SYN3: variants seen among roughly 807,000 people sequenced by gnomAD.
The protein encoded by SYN3 is synapsin-3.
SYN3 carries 35 observed loss-of-function variants against 65.8 expected under a neutral mutation model. That is an observed-to-expected ratio of 0.53 (90% CI 0.41 to 0.70). SYN3 has a LOEUF of 0.70. Ranked by LOEUF, SYN3 falls within the 30% of genes least tolerant of loss-of-function variation. SYN3 has a pLI of 0.00. For synonymous variants in SYN3, 270 were observed against 292.9 expected, an observed-to-expected ratio of 0.92 and a Z score of 0.80; for missense variants, 680 against 749.0, an observed-to-expected ratio of 0.91 and a Z score of 1.08.
chr22:32,866,393 T>TG, intron 5 of SYN3, among the ~76,000 whole-genome samples: 1 of 152,256 alleles, frequency 6.6e-6, no homozygotes, highest in Admixed American at 6.5e-5. Flanking sequence ...GAAAACGATG[T>TG]ATGTGTGTGT....
At chr22:32,716,845 T>C (rs1424397377) in intron 6 of SYN3, among the ~76,000 whole-genome samples, 23 of 152,088 alleles carry the variant, frequency 1.5e-4, no homozygotes, top group Admixed American at 1.5e-3. Context: ...TAAAGTGTGG[T>C]AACATACATA....
chr22:32,913,620 A>G (rs996996337), intron 4 of SYN3, among the ~76,000 whole-genome samples: 1 of 152,166 alleles, frequency 6.6e-6, no homozygotes, highest in African/African-American at 2.4e-5. Flanking sequence ...TGAGAGCTTC[A>G]GTTTCTTCAT....
intron 6 of SYN3, among the ~76,000 whole-genome samples, chr22:32,675,798 C>G (rs924731093): frequency 1.3e-5 from 2 of 152,142 alleles, no homozygotes; most frequent in Non-Finnish European, 1.5e-5. Context: ...CCTGAGCTAG[C>G]AAGTGGTGAG....
intron 6 of SYN3, among the ~76,000 whole-genome samples, chr22:32,640,330 C>A (rs2059878017): frequency 6.6e-6 from 1 of 152,166 alleles, no homozygotes; most frequent in African/African-American, 2.4e-5. Context: ...TACTCAGAAT[C>A]GACCAAAGTG....
intron 3 of SYN3, among the ~76,000 whole-genome samples, chr22:32,939,771 A>T (rs2050884337): frequency 6.6e-6 from 1 of 152,212 alleles, no homozygotes; most frequent in Admixed American, 6.5e-5. Flanking sequence ...TAGACACTTT[A>T]ACTATTTCTA....
chr22:32,513,655 GT>G lies in SYN3; in HGVS notation c.*36del. 6.2e-7 allele frequency: 1 copy of G among 1,610,066 alleles called. No homozygotes were observed. Among genetic ancestry groups the G allele is most frequent in the Admixed American group, 1.7e-5 (1 of 59,898 alleles). ...AAGATGAGGCAGGAGGGGGACGAGTGTAGCAGAGCACTCTTCCCCTCCCAGC... is the reference window on the plus strand; with the variant it reads ...AAGATGAGGCAGGAGGGGGACGAGTGAGCAGAGCACTCTTCCCCTCCCAGC... On this transcript the variant is annotated 3_prime_UTR_variant, in exon 14 of 14. Coordinates refer to ENST00000358763, the MANE Select transcript of SYN3 (RefSeq NM_003490.4).
chr22:32,780,340 C>G (rs130538), intron 6 of SYN3, among the ~76,000 whole-genome samples: 23,414 of 152,004 alleles, frequency 0.15, 2,310 homozygotes, highest in East Asian at 0.36. Context: ...GCTAAAATTA[C>G]AGGTGATCGG....
intron 7 of SYN3, among the ~76,000 whole-genome samples, chr22:32,574,352 G>A (rs776931822): frequency 5.3e-5 from 8 of 152,020 alleles, no homozygotes; most frequent in Non-Finnish European, 7.4e-5. Flanking sequence ...GGTGGTGCAC[G>A]CCAGTAGTCC....
At chr22:32,819,376 G>A (rs1175581008) in intron 6 of SYN3, among the ~76,000 whole-genome samples, 1 of 152,196 alleles carries the variant, frequency 6.6e-6, no homozygotes, top group Non-Finnish European at 1.5e-5. Context: ...GGCCCAGCCC[G>A]GCCCCATATT....
At chr22:32,870,597 CA>C (rs1022403098) in intron 4 of SYN3, among the ~76,000 whole-genome samples, 41 of 152,040 alleles carry the variant, frequency 2.7e-4, no homozygotes, top group African/African-American at 8.2e-4. Flanking sequence ...GTAAGATACC[CA>C]AAAAAAGTTC....
chr22:32,658,797 G>A (rs1294228292), intron 6 of SYN3, among the ~76,000 whole-genome samples: 7 of 152,182 alleles, frequency 4.6e-5, no homozygotes, highest in Non-Finnish European at 8.8e-5. Context: ...GTCCATCTGA[G>A]GGAGAAGGCA....
intron 6 of SYN3, among the ~76,000 whole-genome samples, chr22:32,719,015 A>G (rs952817010): frequency 2.6e-5 from 4 of 152,086 alleles, no homozygotes; most frequent in African/African-American, 9.7e-5. Context: ...TTCCATTTTT[A>G]TCTGGTCGAC....
chr22:32,881,939 C>T lies in SYN3; in HGVS notation c.462-12814G>A, dbSNP rs181829825. On this transcript the variant is annotated intron_variant, in intron 4 of 13. Transcript: ENST00000358763. ...GGCATGGTGGCATGTGCCTGTAGTC[C>T]CAGCTATTCGGAGACTGAGGCAGGG... Among the ~76,000 whole-genome samples, 25 of 152,062 alleles carry T rather than the reference C, an allele frequency of 1.6e-4. No individual in the cohort carries two copies. In the East Asian group the frequency reaches 4.5e-3, roughly 27 times the overall value.
chr22:32,630,082 C>T (rs1015641453), intron 6 of SYN3, among the ~76,000 whole-genome samples: 1 of 151,090 alleles, frequency 6.6e-6, no homozygotes, highest in Non-Finnish European at 1.5e-5. Flanking sequence ...CTCCTGGGTT[C>T]AAGCAATTCT....
chr22:32,721,426 T>TCATCCATC (rs561324782), intron 6 of SYN3, among the ~76,000 whole-genome samples: 90 of 152,116 alleles, frequency 5.9e-4, no homozygotes, highest in African/African-American at 2.1e-3. Flanking sequence ...CCCCCAGAAA[T>TCATCCATC]CATCCATCCA....
intron 7 of SYN3, among the ~76,000 whole-genome samples, chr22:32,565,830 G>GC (rs998649875): frequency 1.2e-4 from 18 of 151,502 alleles, no homozygotes; most frequent in Non-Finnish European, 1.8e-4. Flanking sequence ...TCTTGCCTCA[G>GC]CCCCCCCGAG....
intron 6 of SYN3, among the ~76,000 whole-genome samples, chr22:32,651,395 A>G (rs938091331): frequency 1.3e-5 from 2 of 152,062 alleles, no homozygotes; most frequent in Non-Finnish European, 2.9e-5. Context: ...TTGAGTTAGG[A>G]GGTCTCCAGC....
intron 6 of SYN3, among the ~76,000 whole-genome samples, chr22:32,845,929 A>C (rs763659350): frequency 6.6e-6 from 1 of 152,222 alleles, no homozygotes; most frequent in African/African-American, 2.4e-5. Flanking sequence ...CACACATTTG[A>C]ATTACAGAGG....
At chr22:32,559,871 T>G (rs956481396) in intron 7 of SYN3, among the ~76,000 whole-genome samples, 2 of 151,372 alleles carry the variant, frequency 1.3e-5, no homozygotes, top group Non-Finnish European at 2.9e-5. Flanking sequence ...GACCTTAAAC[T>G]GGTGATCAGC....
Sources: allele counts gnomAD v4.1 joint callset (sites outside exome capture counted in the v4.1 genomes callset), GRCh38; gene constraint gnomAD v4.1.1; transcripts MANE v1.5; gene names NCBI Gene and HGNC (gene_info 2026-07-23, HGNC 2026-07-21).